The following IL1RAPL1 variants were observed in gnomAD, a reference collection of about 807,000 sequenced individuals.
IL1RAPL1 encodes the protein interleukin-1 receptor accessory protein-like 1.
In IL1RAPL1, 3 loss-of-function variants were observed where a neutral mutation model predicts 48.4. That is an observed-to-expected ratio of 0.06 (90% CI 0.03 to 0.16). The LOEUF is 0.16. Ranked by LOEUF, IL1RAPL1 falls within the 10% of genes least tolerant of loss-of-function variation. The pLI, the probability that IL1RAPL1 is intolerant of heterozygous loss-of-function variation, is 1.00. For synonymous variants in IL1RAPL1, 185 were observed against 187.7 expected, an observed-to-expected ratio of 0.99 and a Z score of 0.12; for missense variants, 349 against 530.6, an observed-to-expected ratio of 0.66 and a Z score of 3.36.
intron 2 of IL1RAPL1, among the ~76,000 whole-genome samples, chrX:29,196,283 G>A (rs749630069): frequency 1.8e-5 from 2 of 112,130 alleles, no homozygotes; most frequent in South Asian, 7.4e-4. Context: ...AATAAAGAAC[G>A]ACAACTGCTT....
At position 29,797,600 on chromosome X, in the gene IL1RAPL1, C is replaced by T. The variant is rs188251031; in HGVS notation, c.779-119864C>T. On this transcript the variant is annotated intron_variant, in intron 6 of 10. Coordinates refer to ENST00000378993, the MANE Select transcript of IL1RAPL1 (RefSeq NM_014271.4). Reference sequence around the variant, plus strand: ...AAAGAGGATTAAAAGGGGCTGGGTGCGGTGGCTCACACCTGTAATCCCAGC... The same window carrying T: ...AAAGAGGATTAAAAGGGGCTGGGTGTGGTGGCTCACACCTGTAATCCCAGC... Among the ~76,000 whole-genome samples, 587 of 111,854 alleles carry T rather than the reference C, an allele frequency of 5.2e-3. 4 individuals are homozygous for T. The highest frequency in any genetic ancestry group is 0.018 in the African/African-American group (541 of 30,762).
chrX:29,334,420 C>G (rs1932945108), intron 3 of IL1RAPL1, among the ~76,000 whole-genome samples: 1 of 108,517 alleles, frequency 9.2e-6, no homozygotes, highest in Non-Finnish European at 2.0e-5. Flanking sequence ...GAGCCCCTCA[C>G]CTCCCGGACG....
chrX:29,028,887 G>A (rs148241352), intron 2 of IL1RAPL1, among the ~76,000 whole-genome samples: 2 of 110,844 alleles, frequency 1.8e-5, no homozygotes, highest in African/African-American at 6.6e-5. Flanking sequence ...TACTGGCCTA[G>A]TCTAGGATAG....
At chrX:29,452,128 A>G (rs1473851110) in intron 5 of IL1RAPL1, among the ~76,000 whole-genome samples, 1 of 112,368 alleles carries the variant, frequency 8.9e-6, no homozygotes, top group Admixed American at 9.4e-5. Flanking sequence ...TCTAAAGTCT[A>G]TCATTTCTAA....
intron 2 of IL1RAPL1, among the ~76,000 whole-genome samples, chrX:28,808,458 G>A (rs1278142145): frequency 9.0e-6 from 1 of 110,561 alleles, no homozygotes; most frequent in East Asian, 2.8e-4. Context: ...AACTCAACTT[G>A]CATTAATACA....
intron 6 of IL1RAPL1, among the ~76,000 whole-genome samples, chrX:29,886,606 C>A (rs369514289): frequency 8.9e-6 from 1 of 112,172 alleles, no homozygotes; most frequent in Non-Finnish European, 1.9e-5. Flanking sequence ...CCGCTAATAA[C>A]TTAATGACAA....
At chrX:29,009,112 C>T (rs1926061259) in intron 2 of IL1RAPL1, among the ~76,000 whole-genome samples, 1 of 112,039 alleles carries the variant, frequency 8.9e-6, no homozygotes, top group Admixed American at 9.3e-5. Context: ...AAGCAAATAC[C>T]GCATGTTCTC....
At chrX:29,327,954 G>T (rs1160313821) in intron 3 of IL1RAPL1, among the ~76,000 whole-genome samples, 3 of 111,970 alleles carry the variant, frequency 2.7e-5, no homozygotes, top group African/African-American at 9.7e-5. Context: ...TGTAGGCTAG[G>T]TTTGACCTGC....
At chrX:29,054,665 T>C (rs1927172630) in intron 2 of IL1RAPL1, among the ~76,000 whole-genome samples, 1 of 111,849 alleles carries the variant, frequency 8.9e-6, no homozygotes, top group African/African-American at 3.2e-5. Flanking sequence ...AGTTGGCAGT[T>C]TCAGATTAAG....
At chrX:28,717,128 C>A (rs182071850) in intron 1 of IL1RAPL1, among the ~76,000 whole-genome samples, 50 of 111,922 alleles carry the variant, frequency 4.5e-4, no homozygotes, top group African/African-American at 1.5e-3. Flanking sequence ...ACCATTCAAT[C>A]CAGCAATCCC....
intron 5 of IL1RAPL1, among the ~76,000 whole-genome samples, chrX:29,432,435 A>G (rs1934432825): frequency 9.0e-6 from 1 of 110,952 alleles, no homozygotes; most frequent in Non-Finnish European, 1.9e-5. Flanking sequence ...ATAAGTGACA[A>G]TCTGCACATA....
chrX:29,686,597 G>A (rs6630932), intron 6 of IL1RAPL1, among the ~76,000 whole-genome samples: 41,352 of 102,580 alleles, frequency 0.4, 6,046 homozygotes, highest in South Asian at 0.55. Context: ...TCGCTCTGTC[G>A]CCCAGGCTGC....
intron 6 of IL1RAPL1, among the ~76,000 whole-genome samples, chrX:29,911,669 G>A (rs1398516001): frequency 1.8e-5 from 2 of 111,976 alleles, no homozygotes; most frequent in African/African-American, 6.5e-5. Context: ...ATGTAAATGA[G>A]TTCTTTGCGG....
chrX:29,080,972 CTTTCTTTCTTTCTT>C (rs1338730695), intron 2 of IL1RAPL1, among the ~76,000 whole-genome samples: 20 of 43,405 alleles, frequency 4.6e-4, no homozygotes, highest in South Asian at 1.4e-3. Context: ...TTCTTTCTTT[CTTTCTTTCTTTCTT>C]TCTTTCTTTC....
intron 6 of IL1RAPL1, among the ~76,000 whole-genome samples, chrX:29,801,035 CTCTCCGTCTCAAAAAAAAAAAAAAAAA>C (rs1569172055): frequency 0.016 from 64 of 3,955 alleles, 3 homozygotes; most frequent in African/African-American, 0.027. Context: ...AAAAAAAAAA[CTCTCCGTCTCAAAAAAAAAAAAAAAAA>C]AAAAAAAAAA....
chrX:28,860,289 T>C (rs1435754387), intron 2 of IL1RAPL1, among the ~76,000 whole-genome samples: 1 of 111,338 alleles, frequency 9.0e-6, no homozygotes, highest in Non-Finnish European at 1.9e-5. Flanking sequence ...ATTCTCTTCA[T>C]CTGTTAAATG....
chrX:29,167,518 G>A (rs1263655751), intron 2 of IL1RAPL1, among the ~76,000 whole-genome samples: 1 of 110,090 alleles, frequency 9.1e-6, no homozygotes, highest in African/African-American at 3.3e-5. Flanking sequence ...TCTACTATAT[G>A]ATTCAAAAAT....
intron 5 of IL1RAPL1, among the ~76,000 whole-genome samples, chrX:29,484,686 G>A (rs1935078772): frequency 9.0e-6 from 1 of 111,539 alleles, no homozygotes; most frequent in Admixed American, 9.6e-5. Context: ...CGGTGACAGA[G>A]GTAAAGACAG....
chrX:28,791,019 AT>A (rs1936533171), intron 2 of IL1RAPL1, among the ~76,000 whole-genome samples: 1 of 111,990 alleles, frequency 8.9e-6, no homozygotes, highest in Admixed American at 9.5e-5. Flanking sequence ...CAAAATGACA[AT>A]AGTTCATCCA....
Sources: allele counts gnomAD v4.1 joint callset (sites outside exome capture counted in the v4.1 genomes callset), GRCh38; gene constraint gnomAD v4.1.1; transcripts MANE v1.5; gene names NCBI Gene and HGNC (gene_info 2026-07-23, HGNC 2026-07-21).